OPCML: variants seen among roughly 807,000 people sequenced by gnomAD.
OPCML encodes opioid binding protein/cell adhesion molecule like, also known as opioid-binding protein/cell adhesion molecule.
In OPCML, 13 loss-of-function variants were observed where a neutral mutation model predicts 37.8. That is an observed-to-expected ratio of 0.34 (90% CI 0.22 to 0.55). The LOEUF (loss-of-function observed/expected upper bound fraction) is 0.55. Among genes scored for constraint, OPCML ranks in the 20% least tolerant of loss-of-function variants. The probability of loss-of-function intolerance (pLI) is 0.91; values close to 1 mark genes in which losing one functional copy is unlikely to be tolerated. For synonymous variants in OPCML, 176 were observed against 168.8 expected, an observed-to-expected ratio of 1.04 and a Z score of -0.33; for missense variants, 341 against 435.6, an observed-to-expected ratio of 0.78 and a Z score of 1.93.
Position 133,107,351 on chromosome 11 carries a change from A to G in OPCML, c.62-164341T>C, listed in dbSNP as rs1949175582. On this transcript the variant is annotated intron_variant, in intron 1 of 7. Coordinates refer to ENST00000524381, the MANE Select transcript of OPCML (RefSeq NM_001012393.5). ...AACGGGGAGGGAGAGACTCTTCAAA[A>G]CTGCCTGGACAGACGCTGAGATAAT... 2.0e-5 allele frequency among the ~76,000 whole-genome samples: 3 copies of G among 152,318 alleles called. No homozygotes were observed. In the South Asian group the frequency reaches 6.2e-4, roughly 32 times the overall value.
intron 1 of OPCML, among the ~76,000 whole-genome samples, chr11:133,444,714 T>A (rs1316817841): frequency 6.6e-6 from 1 of 152,228 alleles, no homozygotes; most frequent in East Asian, 1.9e-4. Flanking sequence ...TAACTTCAAA[T>A]TGCCTAATAA....
chr11:133,155,654 T>C (rs895324793), intron 1 of OPCML, among the ~76,000 whole-genome samples: 1 of 152,226 alleles, frequency 6.6e-6, no homozygotes, highest in Admixed American at 6.5e-5. Context: ...TATATGTCTA[T>C]ATCCATATCT....
In OPCML at chr11:132,629,868, T is replaced by G. The variant is rs910762692; in HGVS notation, c.379+27219A>C. Among the ~76,000 whole-genome samples, 43 of 152,160 alleles carry G rather than the reference T, an allele frequency of 2.8e-4. 1 individual carries two copies. The highest frequency in any genetic ancestry group is 1.0e-3 in the African/African-American group (42 of 41,454). ...ATATAAAGAAAATAAAAGGCACTAATAAGTTAAAAAGAAACAAGAATAGAT... is the reference window on the plus strand; with the variant it reads ...ATATAAAGAAAATAAAAGGCACTAAGAAGTTAAAAAGAAACAAGAATAGAT... On this transcript the variant is annotated intron_variant, in intron 3 of 7. Transcript: ENST00000524381.
intron 2 of OPCML, among the ~76,000 whole-genome samples, chr11:132,797,604 C>T (rs140720286): frequency 9.9e-4 from 151 of 152,098 alleles, no homozygotes; most frequent in African/African-American, 3.4e-3. Flanking sequence ...TTTTCCAGTG[C>T]AAATAAAATT....
intron 1 of OPCML, among the ~76,000 whole-genome samples, chr11:133,125,380 T>C (rs1949485028): frequency 6.6e-6 from 1 of 152,030 alleles, no homozygotes; most frequent in African/African-American, 2.4e-5. Context: ...ACCCCACCAA[T>C]GCTGCAAACA....
At chr11:132,461,302 C>A (rs1205653308) in intron 4 of OPCML, among the ~76,000 whole-genome samples, 1 of 152,074 alleles carries the variant, frequency 6.6e-6, no homozygotes, top group Non-Finnish European at 1.5e-5. Context: ...GGGCTGCAGG[C>A]TGAGTTGACC....
At chr11:132,886,034 A>T (rs889416780) in intron 2 of OPCML, among the ~76,000 whole-genome samples, 2 of 152,114 alleles carry the variant, frequency 1.3e-5, no homozygotes, top group African/African-American at 4.8e-5. Context: ...TTCAATTGTC[A>T]TGCCTCTTTA....
chr11:133,144,401 C>T (rs1253363879), intron 1 of OPCML, among the ~76,000 whole-genome samples: 1 of 152,226 alleles, frequency 6.6e-6, no homozygotes, highest in Non-Finnish European at 1.5e-5. Flanking sequence ...CCCTCTTCAG[C>T]AATAATGTTT....
intron 1 of OPCML, among the ~76,000 whole-genome samples, chr11:133,244,082 C>T (rs764018522): frequency 2.0e-5 from 3 of 152,180 alleles, no homozygotes; most frequent in Non-Finnish European, 2.9e-5. Context: ...CATGCAAGTG[C>T]AGAGAGCAGG....
intron 2 of OPCML, among the ~76,000 whole-genome samples, chr11:132,913,743 C>T (rs1944505362): frequency 6.6e-6 from 1 of 152,186 alleles, no homozygotes; most frequent in African/African-American, 2.4e-5. Context: ...ACCCACAACT[C>T]CAAGAGGGAA....
chr11:132,784,403 C>CA (rs536186343), intron 2 of OPCML, among the ~76,000 whole-genome samples: 1 of 152,108 alleles, frequency 6.6e-6, no homozygotes, highest in Non-Finnish European at 1.5e-5. Context: ...CACCAACTTC[C>CA]AATCTGGCAC....
At chr11:133,287,006 G>A (rs767765927) in intron 1 of OPCML, among the ~76,000 whole-genome samples, 5 of 152,156 alleles carry the variant, frequency 3.3e-5, no homozygotes, top group African/African-American at 7.2e-5. Context: ...GGAGATGGGT[G>A]AGGCTGTGGA....
At chr11:133,248,847 T>G (rs1271107620) in intron 1 of OPCML, among the ~76,000 whole-genome samples, 4 of 152,180 alleles carry the variant, frequency 2.6e-5, no homozygotes, top group African/African-American at 4.8e-5. Context: ...ATTTTCATGT[T>G]CCAGTGTGTG....
chr11:132,572,629 A>G (rs1315632698), intron 3 of OPCML, among the ~76,000 whole-genome samples: 2 of 152,112 alleles, frequency 1.3e-5, no homozygotes, highest in African/African-American at 2.4e-5. Flanking sequence ...AAATGCCAGT[A>G]CCATACAGTT....
chr11:132,544,469 A>C (rs1184385766), intron 3 of OPCML, among the ~76,000 whole-genome samples: 1 of 152,222 alleles, frequency 6.6e-6, no homozygotes, highest in Non-Finnish European at 1.5e-5. Flanking sequence ...GTTCTATAAT[A>C]TTTTAGACAG....
chr11:133,274,055 T>C (rs778195344), intron 1 of OPCML, among the ~76,000 whole-genome samples: 2 of 152,222 alleles, frequency 1.3e-5, no homozygotes, highest in Non-Finnish European at 1.5e-5. Context: ...TCTATCTATA[T>C]CTATATCTGT....
intron 1 of OPCML, among the ~76,000 whole-genome samples, chr11:133,451,164 A>G (rs1946573892): frequency 6.6e-6 from 1 of 151,756 alleles, no homozygotes; most frequent in African/African-American, 2.4e-5. Context: ...TATTTTGGCA[A>G]TGAAGGAGTA....
intron 2 of OPCML, among the ~76,000 whole-genome samples, chr11:132,729,579 G>C (rs1172426213): frequency 1.3e-5 from 2 of 152,182 alleles, no homozygotes; most frequent in African/African-American, 4.8e-5. Context: ...AGGTTCAGCA[G>C]CCACAGTTTA....
At chr11:133,351,113 A>G (rs1221064130) in intron 1 of OPCML, among the ~76,000 whole-genome samples, 1 of 152,242 alleles carries the variant, frequency 6.6e-6, no homozygotes, top group African/African-American at 2.4e-5. Flanking sequence ...GCAGGACCAC[A>G]AAATTGGCTT....
Sources: allele counts gnomAD v4.1 joint callset (sites outside exome capture counted in the v4.1 genomes callset), GRCh38; gene constraint gnomAD v4.1.1; transcripts MANE v1.5; gene names NCBI Gene and HGNC (gene_info 2026-07-23, HGNC 2026-07-21).